Variants in DAZAP1 observed in about 807,000 individuals in gnomAD.
The protein encoded by DAZAP1 is DAZ-associated protein 1.
Under a neutral mutation model 60.1 loss-of-function variants are expected in DAZAP1, and 6 were observed. That is an observed-to-expected ratio of 0.10 (90% CI 0.05 to 0.20). DAZAP1 has a LOEUF of 0.20. DAZAP1 is among the 10% of genes least tolerant of loss of function. The pLI, the probability that DAZAP1 is intolerant of heterozygous loss-of-function variation, is 1.00. For synonymous variants in DAZAP1, 235 were observed against 215.9 expected (o/e 1.09, Z -0.78); for missense variants, 366 against 560.4 (o/e 0.65, Z 3.50).
chr19:1,424,157 G>C (rs1198409596), intron 6 of DAZAP1, among the ~76,000 whole-genome samples: 2 of 151,642 alleles, frequency 1.3e-5, no homozygotes, highest in African/African-American at 2.4e-5. Flanking sequence ...CCTGTGTCTC[G>C]GGCACACAGT....
chr19:1,433,994 C>T lies in DAZAP1; in HGVS notation c.1049-743C>T. 1 of 639,600 alleles carries T rather than the reference C, an allele frequency of 1.6e-6. No homozygotes were observed. The highest frequency in any genetic ancestry group is 2.7e-6 in the Non-Finnish European group (1 of 371,262). The allele number at this position is 639,600 out of a possible 1,614,324, so 39.6% of individuals were successfully genotyped here. A position where few individuals can be genotyped will look rare whatever the true frequency, so the allele number is the denominator to read the frequency against. ...ACAAGCCTTCAGCGGGCCCAGGATC[C>T]CCCAGAGAGAGCCCACGCCCACCTG... On this transcript the variant is annotated intron_variant, in intron 11 of 11. Transcript: ENST00000233078. This position sits in a 1 kb window ranked among gnomAD's most constrained non-coding sequence, Gnocchi z 6.1.
At chr19:1,411,445 C>T (rs2082828354) in intron 1 of DAZAP1, among the ~76,000 whole-genome samples, 2 of 152,226 alleles carry the variant, frequency 1.3e-5, no homozygotes, top group African/African-American at 2.4e-5. Flanking sequence ...GTTGCCCCTG[C>T]GCTGGGGGCC....
intron 10 of DAZAP1, among the ~76,000 whole-genome samples, chr19:1,430,813 T>C (rs1362538407): frequency 3.3e-5 from 5 of 151,248 alleles, no homozygotes; most frequent in East Asian, 2.0e-4. Context: ...CTCCGCCTCC[T>C]GGGTTCACAC....
chr19:1,413,989 C>CTGTGTG (rs3065755), intron 1 of DAZAP1, among the ~76,000 whole-genome samples: 9,660 of 130,018 alleles, frequency 0.074, 520 homozygotes, highest in African/African-American at 0.13. Context: ...CCCCAGTGAA[C>CTGTGTG]TGTGTGTGTG....
In DAZAP1 at chr19:1,430,254, G is replaced by GGGGCCCCCCCCCCCCC; in HGVS notation, c.763_764insGGGCCCCCCCCCCCCC (p.Ala255GlyfsTer177). The GGGGCCCCCCCCCCCCC allele has an allele frequency of 7.7e-7, 1 of 1,295,266 alleles. No homozygotes were observed. Among genetic ancestry groups the GGGGCCCCCCCCCCCCC allele is most frequent in the Non-Finnish European group, 1.1e-6 (1 of 924,074 alleles). 80.2% of individuals were successfully genotyped at this position (1,295,266 alleles called of 1,614,324 possible). On this transcript the variant is annotated frameshift_variant, in exon 10 of 12. Coordinates refer to ENST00000233078, the MANE Select transcript of DAZAP1 (RefSeq NM_018959.4). LOFTEE classifies it high-confidence loss of function. ...TGGACCGCCCCCTGCAGGAAGAGGA[G>GGGGCCCCCCCCCCCCC]CCCCCCCGCCACCCCCACCGTTCAC...
rs1166669709 is a variant in DAZAP1, at chr19:1,434,260, C to T, written c.1049-477C>T. 1.4e-5 allele frequency: 3 copies of T among 208,046 alleles called. No individual in the cohort carries two copies. The highest frequency in any genetic ancestry group is 8.1e-5 in the South Asian group (1 of 12,410). 12.9% of individuals were successfully genotyped at this position (208,046 alleles called of 1,614,324 possible). A position where few individuals can be genotyped will look rare whatever the true frequency, so the allele number is the denominator to read the frequency against. ...TTCCCTGACACGTGCCACCGATGGA[C>T]GTGCCCTGACAGGAAGGACAACGTG... On this transcript the variant is annotated intron_variant, in intron 11 of 11. Transcript: ENST00000233078. The surrounding 1 kb of genome is among the most constrained non-coding windows in gnomAD (Gnocchi z 8.0).
At chr19:1,429,914 G>A (rs370702256) in intron 8 of DAZAP1, 53 bp from the exon 9 acceptor site, 16 of 1,552,166 alleles carry the variant, frequency 1.0e-5, no homozygotes, top group South Asian at 3.6e-5. Flanking sequence ...CCTTCTCTGC[G>A]TCGGACAGCT....
rs1046798665 is a variant in DAZAP1 at position 1,418,127 on chromosome 19, G to A, written c.71-77G>A. ...TGGCTGGTGGACTGGAGGAGTGTGC[G>A]TGCCGGCAGCACTGCCAGGCACGTG... On this transcript the variant is annotated intron_variant, in intron 2 of 11. Coordinates refer to ENST00000233078, the MANE Select transcript of DAZAP1 (RefSeq NM_018959.4). This position sits in a 1 kb window ranked among gnomAD's most constrained non-coding sequence, Gnocchi z 5.7. The A allele has an allele frequency of 6.7e-6, 10 of 1,496,798 alleles. No homozygotes were observed. The highest frequency in any genetic ancestry group is 2.3e-5 in the East Asian group (1 of 44,028). 92.7% of individuals were successfully genotyped at this position (1,496,798 alleles called of 1,614,324 possible).
chr19:1,431,259 G>A (rs2083444374), intron 10 of DAZAP1, among the ~76,000 whole-genome samples: 2 of 151,380 alleles, frequency 1.3e-5, no homozygotes, highest in South Asian at 4.2e-4. Context: ...CTCCTGAGTA[G>A]CTGGGACTAC....
In DAZAP1 at chr19:1,429,013, G is replaced by A. The variant is rs1330077712; in HGVS notation, c.700+18G>A. 1.9e-6 allele frequency: 3 copies of A among 1,557,262 alleles called. No individual in the cohort carries two copies. Among genetic ancestry groups the A allele is most frequent in the Non-Finnish European group, 2.6e-6 (3 of 1,153,056 alleles). ...CCCGCAAGGTAAGGCTGATGCAGAG[G>A]TGCCCACGGGAATGTCCCCCTTCTC... On this transcript the variant is annotated intron_variant, in intron 8 of 11. Transcript: ENST00000233078.
chr19:1,418,270 C>T lies in DAZAP1; in HGVS notation c.137C>T (p.Thr46Ile). The T allele has an allele frequency of 6.2e-7, 1 of 1,614,190 alleles. No individual in the cohort carries two copies. Among genetic ancestry groups the T allele is most frequent in the African/African-American group, 1.3e-5 (1 of 75,036 alleles). ...VVDCVIMKDK[T>I]TNQSRGFGFV... ...GATTGTGTTATCATGAAAGATAAAACCACCAACCAGTCTCGAGGCTTTGGG... is the reference window on the plus strand; with the variant it reads ...GATTGTGTTATCATGAAAGATAAAATCACCAACCAGTCTCGAGGCTTTGGG... The change falls in exon 3 of 12, where the codon ACC becomes ATC. Residue 46 changes from threonine (T) to isoleucine (I), a missense_variant. Thr to Ile is a moderately conservative substitution (Grantham distance 89). Coordinates refer to ENST00000233078, the MANE Select transcript of DAZAP1 (RefSeq NM_018959.4). This position sits in a 1 kb window ranked among gnomAD's most constrained non-coding sequence, Gnocchi z 5.7.
In DAZAP1 at chr19:1,418,080, C is replaced by G; in HGVS notation, c.71-124C>G. ...GCGCTTCCCGTACACCCCCCACCCC[C>G]AGTGCAGCATCGCTCGGTGCGTGGC... On this transcript the variant is annotated intron_variant, in intron 2 of 11. Coordinates refer to ENST00000233078, the MANE Select transcript of DAZAP1 (RefSeq NM_018959.4). This position sits in a 1 kb window ranked among gnomAD's most constrained non-coding sequence, Gnocchi z 5.7. The G allele has an allele frequency of 1.1e-6, 1 of 948,940 alleles. No individual in the cohort carries two copies. The highest frequency in any genetic ancestry group is 1.6e-5 in the South Asian group (1 of 64,482). The allele number at this position is 948,940 out of a possible 1,614,324, so 58.8% of individuals were successfully genotyped here. A position where few individuals can be genotyped will look rare whatever the true frequency, so the allele number is the denominator to read the frequency against.
chr19:1,428,798 T>G lies in DAZAP1; in HGVS notation c.547-44T>G. On this transcript the variant is annotated intron_variant, in intron 7 of 11. Coordinates refer to ENST00000233078, the MANE Select transcript of DAZAP1 (RefSeq NM_018959.4). This position sits in a 1 kb window ranked among gnomAD's most constrained non-coding sequence, Gnocchi z 4.0. ...GGTGTGTCTAAAGGGAAGGGGGTGC[T>G]GGGACCCGCAGCCTCGCCCTAAACC... 1 of 1,610,744 alleles carries G rather than the reference T, an allele frequency of 6.2e-7. No individual in the cohort carries two copies. Among genetic ancestry groups the G allele is most frequent in the South Asian group, 1.1e-5 (1 of 90,878 alleles).
rs2083415188 is a variant in DAZAP1 at position 1,430,345 on chromosome 19, G to T, written c.854G>T (p.Gly285Val). ...PPPQGFPQGY[G>V]APPQFSFGYG... ...CCCCAGGGCTTCCCTCAGGGCTACGGTGCCCCGCCACAGTTCAGTAAGTCT... is the reference window on the plus strand; with the variant it reads ...CCCCAGGGCTTCCCTCAGGGCTACGTTGCCCCGCCACAGTTCAGTAAGTCT... Residue 285 changes from glycine (G) to valine (V), a missense_variant, in exon 10 of 12, where the codon GGT becomes GTT. By Grantham distance (109) the Gly-to-Val change is moderately radical (BLOSUM62 -3). This residue lies in a region of DAZAP1 where 240 missense variants were observed against 308.8 expected (regional missense o/e 0.78). Coordinates refer to ENST00000233078, the MANE Select transcript of DAZAP1 (RefSeq NM_018959.4). The T allele has an allele frequency of 3.3e-6, 5 of 1,529,276 alleles. No individual in the cohort carries two copies. Among genetic ancestry groups the T allele is most frequent in the Non-Finnish European group, 3.5e-6 (4 of 1,144,626 alleles). The allele number at this position is 1,529,276 out of a possible 1,614,324, so 94.7% of individuals were successfully genotyped here.
rs142458886 is a variant in DAZAP1, at chr19:1,430,262, G to A, written c.771G>A (p.Pro257=). The change falls in exon 10 of 12, where the codon CCG becomes CCA. Residue 257 remains proline, a synonymous_variant. Coordinates refer to ENST00000233078, the MANE Select transcript of DAZAP1 (RefSeq NM_018959.4). The part of the protein sequence containing the change: ...GPPPAGRGAP[P]PPPPFTSYIV... ...CCCCTGCAGGAAGAGGAGCCCCCCCGCCACCCCCACCGTTCACCTCCTACA... is the reference window on the plus strand; with the variant it reads ...CCCCTGCAGGAAGAGGAGCCCCCCCACCACCCCCACCGTTCACCTCCTACA... The A allele has an allele frequency of 2.2e-4, 131 of 587,762 alleles. 1 individual carries two copies. Among genetic ancestry groups the A allele is most frequent in the African/African-American group, 2.2e-3 (98 of 44,050 alleles). The allele number at this position is 587,762 out of a possible 1,614,324, so 36.4% of individuals were successfully genotyped here.
rs1456342694 is a variant in DAZAP1, at chr19:1,416,956, G to T, written c.30-544G>T. On this transcript the variant is annotated intron_variant, in intron 1 of 11. Coordinates refer to ENST00000233078, the MANE Select transcript of DAZAP1 (RefSeq NM_018959.4). This position sits in a 1 kb window ranked among gnomAD's most constrained non-coding sequence, Gnocchi z 4.3. The stretch of plus-strand genomic sequence containing the variant: ...GGCCAGTGCTGAGACTGGAGCTTCA[G>T]GGCCTTCACCTTCATCTGTGGGCCT... 6.2e-6 allele frequency: 1 copy of T among 160,564 alleles called. No individual in the cohort carries two copies. Among genetic ancestry groups the T allele is most frequent in the East Asian group, 1.9e-4 (1 of 5,240 alleles). 9.9% of individuals were successfully genotyped at this position (160,564 alleles called of 1,614,324 possible).
intron 1 of DAZAP1, chr19:1,409,689 G>A (rs1186372315): frequency 6.6e-6 from 1 of 151,758 alleles, no homozygotes; most frequent in Admixed American, 6.6e-5. Flanking sequence ...TGGAGTTGTT[G>A]TGTGCGTGAA....
Position 1,425,288 on chromosome 19 carries a change from C to T in DAZAP1, c.464-590C>T, listed in dbSNP as rs922483053. 3.9e-5 allele frequency among the ~76,000 whole-genome samples: 6 copies of T among 152,182 alleles called. No individual in the cohort carries two copies. The highest frequency in any genetic ancestry group is 7.3e-5 in the Non-Finnish European group (5 of 68,034). ...TACTGTATCTGTTAACGCTTTAGAA[C>T]GATATATGGCTGCTGTCAGCACTAG... On this transcript the variant is annotated intron_variant, in intron 6 of 11. Transcript: ENST00000233078. This position sits in a 1 kb window ranked among gnomAD's most constrained non-coding sequence, Gnocchi z 5.4.
At chr19:1,427,096 A>G (rs1490063818) in intron 7 of DAZAP1, 1 of 152,236 alleles carries the variant, frequency 6.6e-6, no homozygotes, top group East Asian at 1.9e-4. Flanking sequence ...CAACTAAAAC[A>G]GGAGACACAA....
Sources: gnomAD v4.1 joint callset for allele counts (sites outside exome capture counted in the v4.1 genomes callset) on GRCh38, gnomAD v4.1.1 for gene constraint, gnomAD v4.1.1 regional missense constraint, Gnocchi (gnomAD v3.1) non-coding constraint, MANE v1.5 for transcripts, NCBI Gene and HGNC (gene_info 2026-07-23, HGNC 2026-07-21) for gene names.